ARID5B: variants seen among roughly 807,000 people sequenced by gnomAD.
The protein encoded by ARID5B is AT-rich interactive domain-containing protein 5B.
A neutral mutation model predicts 97.2 loss-of-function variants in ARID5B; 13 were observed. The observed-to-expected ratio is 0.13, with a 90% CI of 0.09 to 0.21. The LOEUF (loss-of-function observed/expected upper bound fraction) is 0.21, where lower values mean the gene tolerates loss of function less well. Ranked by LOEUF, ARID5B falls within the 10% of genes least tolerant of loss-of-function variation. ARID5B has a pLI of 1.00. For missense variants in ARID5B, 1,210 were observed against 1,465.3 expected, an observed-to-expected ratio of 0.83 and a Z score of 2.84; for synonymous variants, 556 against 570.3, an observed-to-expected ratio of 0.97 and a Z score of 0.36.
intron 8 of ARID5B, among the ~76,000 whole-genome samples, chr10:62,074,688 C>G (rs1223454269): frequency 6.6e-6 from 1 of 152,134 alleles, no homozygotes; most frequent in African/African-American, 2.4e-5. Context: ...TTTGGACACC[C>G]TTGGAGTTAA....
chr10:62,069,822 CT>C (rs1564642874), intron 8 of ARID5B, 25 bp downstream of exon 8: 1 of 1,607,056 alleles, frequency 6.2e-7, no homozygotes, highest in Admixed American at 1.7e-5. Context: ...CATGGAATTG[CT>C]TAGTTAAAAG....
At chr10:62,057,642 T>C (rs910178177) in intron 6 of ARID5B, among the ~76,000 whole-genome samples, 2 of 152,140 alleles carry the variant, frequency 1.3e-5, no homozygotes, top group African/African-American at 4.8e-5. Context: ...GATAATAATA[T>C]GACGTAGCTT....
chr10:61,998,246 A>G (rs984562135), intron 3 of ARID5B, among the ~76,000 whole-genome samples: 1 of 152,236 alleles, frequency 6.6e-6, no homozygotes, highest in Non-Finnish European at 1.5e-5. Context: ...ATGTTCCATC[A>G]TTATGTTCCG....
At chr10:61,971,227 C>G (rs554468295) in intron 3 of ARID5B, among the ~76,000 whole-genome samples, 1 of 152,280 alleles carries the variant, frequency 6.6e-6, no homozygotes, top group African/African-American at 2.4e-5. Context: ...TTTATTATAT[C>G]TTGACATTCT....
At chr10:61,902,437 CTTCT>C (rs766984266) in intron 2 of ARID5B, 24 bp downstream of exon 2, 27 of 1,607,324 alleles carry the variant, frequency 1.7e-5, no homozygotes, top group East Asian at 2.2e-5. Flanking sequence ...CTGTCCCCCT[CTTCT>C]TTCTTTATTA....
chr10:62,052,535 A>AT (rs1564637641), intron 5 of ARID5B, among the ~76,000 whole-genome samples: 1 of 152,168 alleles, frequency 6.6e-6, no homozygotes, highest in Non-Finnish European at 1.5e-5. Flanking sequence ...GCTCCTTCCC[A>AT]TGCCACTTGG....
At chr10:62,002,967 C>T (rs1242046939) in intron 4 of ARID5B, among the ~76,000 whole-genome samples, 1 of 152,158 alleles carries the variant, frequency 6.6e-6, no homozygotes, top group Non-Finnish European at 1.5e-5. Context: ...AATGGTAGAG[C>T]TGATGGCAAA....
intron 3 of ARID5B, among the ~76,000 whole-genome samples, chr10:61,968,808 A>G (rs1838583639): frequency 1.3e-5 from 2 of 152,166 alleles, no homozygotes; most frequent in Non-Finnish European, 2.9e-5. Flanking sequence ...AAGAGTGATA[A>G]TTCCTGCTTT....
intron 3 of ARID5B, among the ~76,000 whole-genome samples, chr10:61,946,080 A>G (rs188151469): frequency 7.2e-4 from 107 of 148,514 alleles, no homozygotes; most frequent in African/African-American, 2.5e-3. Flanking sequence ...ATATATTAAT[A>G]TATATTTATA....
At chr10:62,087,072 G>T (rs946543620) in intron 9 of ARID5B, among the ~76,000 whole-genome samples, 1 of 151,910 alleles carries the variant, frequency 6.6e-6, no homozygotes, top group African/African-American at 2.4e-5. Context: ...AGGCCGAGGC[G>T]GTGGATCACG....
intron 2 of ARID5B, among the ~76,000 whole-genome samples, chr10:61,926,225 T>A (rs1844103422): frequency 6.6e-6 from 1 of 152,206 alleles, no homozygotes; most frequent in Non-Finnish European, 1.5e-5. Context: ...AATTAAAAAT[T>A]AAAATCCTTT....
At position 61,948,908 on chromosome 10, in the gene ARID5B, A is replaced by G. The variant is rs562562164; in HGVS notation, c.502+8500A>G. On this transcript the variant is annotated intron_variant, in intron 3 of 9. Transcript: ENST00000279873. ...TTTATAAGTAAGAGCAAAAAGGGGGAAAATATTCTGCCACTACACTCCCTG... is the reference window on the plus strand; with the variant it reads ...TTTATAAGTAAGAGCAAAAAGGGGGGAAATATTCTGCCACTACACTCCCTG... Among the ~76,000 whole-genome samples, 53 of 152,282 alleles carry G rather than the reference A, an allele frequency of 3.5e-4. 1 individual carries two copies. Among genetic ancestry groups the G allele is most frequent in the African/African-American group, 1.2e-3 (50 of 41,570 alleles).
intron 2 of ARID5B, among the ~76,000 whole-genome samples, chr10:61,930,507 T>C (rs1589223455): frequency 6.6e-6 from 1 of 151,772 alleles, no homozygotes; most frequent in Admixed American, 6.6e-5. Context: ...GATCATGAGG[T>C]CAGGAGATCG....
At chr10:62,081,571 A>G (rs946263497) in intron 8 of ARID5B, among the ~76,000 whole-genome samples, 1 of 152,268 alleles carries the variant, frequency 6.6e-6, no homozygotes, top group East Asian at 1.9e-4. Flanking sequence ...TACAAAATGC[A>G]AATGATGAGG....
rs1376484834 is a variant in ARID5B at position 62,092,486 on chromosome 10, C to T, written c.3023C>T (p.Ala1008Val). The change falls in exon 10 of 10, where the codon GCG becomes GTG. Residue 1008 changes from alanine (A) to valine (V), a missense_variant. Ala to Val is a moderately conservative substitution (Grantham distance 64). Coordinates refer to ENST00000279873, the MANE Select transcript of ARID5B (RefSeq NM_032199.3). ...HRKMSPQNIG[A>V]ARPIKRSLED... ...AAAATGAGCCCGCAGAACATTGGGG[C>T]GGCGCGGCCGATCAAGCGCAGCCTG... 2 of 1,614,096 alleles carry T rather than the reference C, an allele frequency of 1.2e-6. No individual in the cohort carries two copies. Among genetic ancestry groups the T allele is most frequent in the Non-Finnish European group, 1.7e-6 (2 of 1,179,998 alleles).
Position 62,092,041 on chromosome 10 carries a change from G to A in ARID5B, c.2578G>A (p.Asp860Asn). 2 of 1,614,030 alleles carry A rather than the reference G, an allele frequency of 1.2e-6. No homozygotes were observed. The highest frequency in any genetic ancestry group is 1.7e-6 in the Non-Finnish European group (2 of 1,180,002). The change falls in exon 10 of 10, where the codon GAC (aspartate) becomes AAC (asparagine). Residue 860 changes from aspartate (D) to asparagine (N), a missense_variant. Physicochemically the swap from Asp to Asn is conservative, Grantham distance 23. Transcript: ENST00000279873. Reference protein sequence around the residue: ...NEQTSKYPSRDMYRESENSSF... With the variant: ...NEQTSKYPSRNMYRESENSSF... ...ACAGACATCCAAATACCCTTCCAGGGACATGTACAGGGAATCGGAAAACAG... is the reference window on the plus strand; with the variant it reads ...ACAGACATCCAAATACCCTTCCAGGAACATGTACAGGGAATCGGAAAACAG...
At chr10:61,929,788 G>A (rs970628438) in intron 2 of ARID5B, among the ~76,000 whole-genome samples, 9 of 152,284 alleles carry the variant, frequency 5.9e-5, no homozygotes, top group African/African-American at 1.9e-4. Flanking sequence ...GACTGCACCT[G>A]GCTGTAAAAG....
intron 2 of ARID5B, among the ~76,000 whole-genome samples, chr10:61,908,596 G>A (rs1385124628): frequency 6.6e-6 from 1 of 151,970 alleles, no homozygotes; most frequent in Non-Finnish European, 1.5e-5. Flanking sequence ...TCACGAGATT[G>A]AGAACATCCT....
intron 2 of ARID5B, among the ~76,000 whole-genome samples, chr10:61,914,509 G>A (rs1228215759): frequency 6.6e-6 from 1 of 152,214 alleles, no homozygotes; most frequent in Non-Finnish European, 1.5e-5. Context: ...CCCAAATGGA[G>A]GGAAAACCAT....
Sources: allele counts gnomAD v4.1 joint callset (sites outside exome capture counted in the v4.1 genomes callset), GRCh38; gene constraint gnomAD v4.1.1; transcripts MANE v1.5; gene names NCBI Gene and HGNC (gene_info 2026-07-23, HGNC 2026-07-21).